Variants in MYO1C observed in about 807,000 individuals in gnomAD.
MYO1C encodes unconventional myosin-Ic.
Under a neutral mutation model 150.8 loss-of-function variants are expected in MYO1C, and 104 were observed. That is an observed-to-expected ratio of 0.69 (90% CI 0.59 to 0.81). The LOEUF (loss-of-function observed/expected upper bound fraction) is 0.81, where lower values mean the gene tolerates loss of function less well. Among genes scored for constraint, MYO1C ranks in the 30% least tolerant of loss-of-function variants. The pLI, the probability that MYO1C is intolerant of heterozygous loss-of-function variation, is 0.00. For missense variants in MYO1C, 1,504 were observed against 1,435.0 expected, an observed-to-expected ratio of 1.05 and a Z score of -0.78; for synonymous variants, 663 against 579.9, an observed-to-expected ratio of 1.14 and a Z score of -2.06.
At chr17:1,467,602 G>T in intron 29 of MYO1C, 25 bp from the exon 30 acceptor site, 1 of 1,607,270 alleles carries the variant, frequency 6.2e-7, no homozygotes, top group Non-Finnish European at 8.5e-7. Flanking sequence ...AGGAGGAGGG[G>T]TCAGGCCCTG....
chr17:1,477,661 G>GT, intron 13 of MYO1C, 65 bp from the exon 14 acceptor site: 3 of 1,332,962 alleles, frequency 2.3e-6, no homozygotes, highest in Non-Finnish European at 3.2e-6. Flanking sequence ...GAGGATTGGG[G>GT]TCACCGTGCT....
In MYO1C at chr17:1,490,333, T is replaced by TAAAA. The variant is rs34316938; in HGVS notation, c.75+2076_75+2079dup. Among the ~76,000 whole-genome samples, 3 of 144,108 alleles carry TAAAA rather than the reference T, an allele frequency of 2.1e-5. No individual in the cohort carries two copies. The Admixed American group carries it at 2.1e-4, about 10-fold the overall frequency. The allele number at this position is 144,108 out of a possible 152,430, so 94.5% of individuals were successfully genotyped here. A position where few individuals can be genotyped will look rare whatever the true frequency, so the allele number is the denominator to read the frequency against. The stretch of plus-strand genomic sequence containing the variant: ...TAACACGGTGAAACCCCGTCTCTAC[T>TAAAA]AAAAAAAAAAAAAAATTAGCTGGGC... On this transcript the variant is annotated intron_variant, in intron 1 of 31. Coordinates refer to ENST00000648651, the MANE Select transcript of MYO1C (RefSeq NM_001080779.2).
rs111948945 is a variant in MYO1C at position 1,481,959 on chromosome 17, C to G, written c.627+519G>C. Among the ~76,000 whole-genome samples, 653 of 152,292 alleles carry G rather than the reference C, an allele frequency of 4.3e-3. 3 individuals are homozygous for G. The highest frequency in any genetic ancestry group is 0.015 in the African/African-American group (616 of 41,554). On this transcript the variant is annotated intron_variant, in intron 5 of 31. Coordinates refer to ENST00000648651, the MANE Select transcript of MYO1C (RefSeq NM_001080779.2). ...GCTGTCCTGGAACACTTCCAGCACC[C>G]TCGTATCTCAGGCCTTTGTCCTGGC...
chr17:1,489,216 C>G (rs1477972198), intron 1 of MYO1C, among the ~76,000 whole-genome samples: 1 of 152,236 alleles, frequency 6.6e-6, no homozygotes, highest in Non-Finnish European at 1.5e-5. Context: ...AGGACCGTTC[C>G]AGACCTCAGG....
chr17:1,479,466 G>A lies in MYO1C; in HGVS notation c.1057C>T (p.Leu353=). The part of the protein sequence containing the change: ...SVEGSTLREA[L]THRKIIAKGE... ...TTGGCGATGATCTTCCTGTGTGTCA[G>A]GGCTTCTCGCAGCGTCGAGCCTTCC... is the stretch of plus-strand genomic sequence containing the variant. Residue 353 remains leucine (L), a synonymous_variant, in exon 9 of 32, where the codon CTG becomes TTG. Coordinates refer to ENST00000648651, the MANE Select transcript of MYO1C (RefSeq NM_001080779.2). This position sits in a 1 kb window ranked among gnomAD's most constrained non-coding sequence, Gnocchi z 4.2. 6.6e-7 allele frequency: 1 copy of A among 1,517,654 alleles called. No homozygotes were observed. The highest frequency in any genetic ancestry group is 8.9e-7 in the Non-Finnish European group (1 of 1,118,360). The allele number at this position is 1,517,654 out of a possible 1,614,324, so 94.0% of individuals were successfully genotyped here.
intron 1 of MYO1C, chr17:1,486,218 G>A (rs1471474701): frequency 1.3e-5 from 2 of 152,064 alleles, no homozygotes; most frequent in Non-Finnish European, 2.9e-5. Context: ...CGCGCCCGGC[G>A]GGCGGAGCGT....
In MYO1C at chr17:1,478,861, A is replaced by AT; in HGVS notation, c.1093-127dup. ...CTCCCAGCTCCAGCAAGCCTGCAGT[A>AT]TGGGGAGGGGTGCTGGTAGTGGGAC... On this transcript the variant is annotated intron_variant, in intron 9 of 31. Coordinates refer to ENST00000648651, the MANE Select transcript of MYO1C (RefSeq NM_001080779.2). The surrounding 1 kb of genome is among the most constrained non-coding windows in gnomAD (Gnocchi z 6.3). 1.4e-6 allele frequency: 2 copies of AT among 1,467,050 alleles called. No homozygotes were observed. The highest frequency in any genetic ancestry group is 2.4e-5 in the South Asian group (2 of 84,130). The allele number at this position is 1,467,050 out of a possible 1,614,324, so 90.9% of individuals were successfully genotyped here.
intron 17 of MYO1C, among the ~76,000 whole-genome samples, chr17:1,474,028 A>G (rs1199272676): frequency 6.6e-6 from 1 of 152,096 alleles, no homozygotes; most frequent in Non-Finnish European, 1.5e-5. Flanking sequence ...GGCAGCTGTC[A>G]ACATATGGGC....
intron 25 of MYO1C, 102 bp from the exon 26 acceptor site, chr17:1,468,598 G>C: frequency 1.1e-6 from 1 of 921,616 alleles, no homozygotes. Context: ...TCACCCGCTT[G>C]CTGGTCCCTC....
rs1382859239 is a variant in MYO1C, at chr17:1,468,078, G to A, written c.2806C>T (p.Arg936Cys). ...VKYDRKGYKP[R>C]SRQLLLTPNA... is the part of the protein sequence containing the mutation. ...GGCGTGAGCAGCAGCTGCCGGGAGCGAGGCTTGTAGCCCTTGCGGTCGTAT... is the reference window on the plus strand; with the variant it reads ...GGCGTGAGCAGCAGCTGCCGGGAGCAAGGCTTGTAGCCCTTGCGGTCGTAT... Residue 936 changes from arginine to cysteine, a missense_variant, in exon 28 of 32, where the codon CGC (arginine) becomes TGC (cysteine). Physicochemically the swap from Arg to Cys is radical, Grantham distance 180 (BLOSUM62 -3). Transcript: ENST00000648651. 4 of 1,613,474 alleles carry A rather than the reference G, an allele frequency of 2.5e-6. No individual in the cohort carries two copies. Among genetic ancestry groups the A allele is most frequent in the Non-Finnish European group, 2.5e-6 (3 of 1,179,956 alleles).
rs771330343 is a variant in MYO1C, at chr17:1,478,123, C to G, written c.1365G>C (p.Lys455Asn). 1.2e-5 allele frequency: 19 copies of G among 1,614,036 alleles called. No homozygotes were observed. The highest frequency in any genetic ancestry group is 1.6e-5 in the Non-Finnish European group (19 of 1,180,064). Residue 455 changes from lysine (K) to asparagine (N), a missense_variant, in exon 12 of 32, where the codon AAG becomes AAC. Lys to Asn is a moderately conservative substitution (Grantham distance 94, BLOSUM62 0). Transcript: ENST00000648651. The surrounding 1 kb of genome is among the most constrained non-coding windows in gnomAD (Gnocchi z 6.3). ...LQQLFIELTL[K>N]SEQEEYEAEG... is the part of the protein sequence containing the mutation. ...CTGCCTCGTACTCCTCCTGCTCCGA[C>G]TTGAGCGTGAGCTCGATGAAGAGCT...
At position 1,468,492 on chromosome 17, in the gene MYO1C, T is replaced by G. The variant is rs531919133; in HGVS notation, c.2615A>C (p.Gln872Pro). Residue 872 changes from glutamine (Q) to proline (P), a missense_variant, in exon 26 of 32, where the codon CAG (glutamine) becomes CCG (proline). Coordinates refer to ENST00000648651, the MANE Select transcript of MYO1C (RefSeq NM_001080779.2). ...SISPEWKQQLQQKAVASEIFK... is the reference protein window; with the variant it reads ...SISPEWKQQLPQKAVASEIFK... ...GATCTCACTAGCCACGGCCTTCTGC[T>G]GCAGCTGAGGAGACAAGGGGGGTGA... 1.2e-6 allele frequency: 2 copies of G among 1,612,626 alleles called. No homozygotes were observed. Among genetic ancestry groups the G allele is most frequent in the South Asian group, 2.2e-5 (2 of 91,024 alleles).
At chr17:1,487,785 G>C (rs564245060) in intron 1 of MYO1C, among the ~76,000 whole-genome samples, 52 of 152,308 alleles carry the variant, frequency 3.4e-4, no homozygotes, top group African/African-American at 1.2e-3. Context: ...TGAGCGTGGT[G>C]GTGGGCGCCT....
intron 17 of MYO1C, 62 bp downstream of exon 17, chr17:1,474,548 C>A (rs892595155): frequency 1.3e-5 from 20 of 1,557,532 alleles, no homozygotes; most frequent in Non-Finnish European, 1.8e-5. Flanking sequence ...CCCAGGCTCA[C>A]ACAGGCCCTC....
At chr17:1,477,358 T>G (rs1376128092) in intron 14 of MYO1C, 147 bp downstream of exon 14, 1 of 727,138 alleles carries the variant, frequency 1.4e-6, no homozygotes, top group Non-Finnish European at 2.5e-6. Context: ...TCTTAGTTTC[T>G]GGACACATGT....
At chr17:1,492,262 C>T (rs989276531) in intron 1 of MYO1C, 151 bp downstream of exon 1, 1 of 755,502 alleles carries the variant, frequency 1.3e-6, no homozygotes, top group South Asian at 1.6e-5. Context: ...CTCTTCCACT[C>T]ACCCCGTCTT....
Position 1,470,603 on chromosome 17 carries a change from A to G in MYO1C, c.2281+18T>C. 1 of 1,606,746 alleles carries G rather than the reference A, an allele frequency of 6.2e-7. No individual in the cohort carries two copies. The highest frequency in any genetic ancestry group is 8.5e-7 in the Non-Finnish European group (1 of 1,176,566). On this transcript the variant is annotated intron_variant, in intron 22 of 31. Coordinates refer to ENST00000648651, the MANE Select transcript of MYO1C (RefSeq NM_001080779.2). ...GCCCCAGACCCCGCCCCTCCTGAAC[A>G]CCCATGGGCCCGCGAACCTGATCTC...
chr17:1,469,137 G>A (rs1037455977), intron 25 of MYO1C: 10 of 341,690 alleles, frequency 2.9e-5, no homozygotes, highest in South Asian at 1.6e-4. Context: ...AGAGCAGACC[G>A]GGGTAAATAG....
intron 14 of MYO1C, among the ~76,000 whole-genome samples, chr17:1,476,657 G>A (rs115343932): frequency 0.013 from 1,945 of 152,244 alleles, 40 homozygotes; most frequent in African/African-American, 0.044. Flanking sequence ...CAGGTGAAGC[G>A]ACGACATGCA....
Sources: gnomAD v4.1 joint callset for allele counts (sites outside exome capture counted in the v4.1 genomes callset) on GRCh38, gnomAD v4.1.1 for gene constraint, Gnocchi (gnomAD v3.1) non-coding constraint, MANE v1.5 for transcripts, NCBI Gene and HGNC (gene_info 2026-07-23, HGNC 2026-07-21) for gene names.